Variants in RARB observed in about 807,000 individuals in gnomAD.
The protein encoded by RARB is retinoic acid receptor beta, also known as HBV-activated protein.
In RARB, 17 loss-of-function variants were observed where a neutral mutation model predicts 51.9. That is an observed-to-expected ratio of 0.33 (90% CI 0.22 to 0.49). The LOEUF is 0.49. Among genes scored for constraint, RARB ranks in the 20% least tolerant of loss-of-function variants. The pLI is 0.99. For missense variants in RARB, 369 were observed against 550.8 expected, an observed-to-expected ratio of 0.67 and a Z score of 3.30; for synonymous variants, 215 against 195.4, an observed-to-expected ratio of 1.10 and a Z score of -0.84.
intron 5 of RARB, among the ~76,000 whole-genome samples, chr3:25,387,161 T>TA (rs1198294614): frequency 1.3e-5 from 2 of 152,174 alleles, no homozygotes; most frequent in Admixed American, 1.3e-4. Context: ...AGAAATGGCT[T>TA]GAAGATGCAC....
chr3:25,492,655 T>C (rs996924577), intron 2 of RARB, among the ~76,000 whole-genome samples: 1 of 150,882 alleles, frequency 6.6e-6, no homozygotes, highest in Admixed American at 6.6e-5. Context: ...TGTAATCATA[T>C]TCTTCTCGAA....
chr3:25,339,933 C>A (rs1267582083), intron 5 of RARB, among the ~76,000 whole-genome samples: 1 of 152,122 alleles, frequency 6.6e-6, no homozygotes, highest in Non-Finnish European at 1.5e-5. Context: ...TAAACAATTT[C>A]TAAAAAATAA....
intron 2 of RARB, among the ~76,000 whole-genome samples, chr3:24,859,088 T>A (rs893505544): frequency 6.6e-6 from 1 of 151,052 alleles, no homozygotes; most frequent in Non-Finnish European, 1.5e-5. Flanking sequence ...ATACTCTTAT[T>A]AGAAGCTATG....
chr3:25,265,215 A>G (rs1703096838), intron 5 of RARB, among the ~76,000 whole-genome samples: 1 of 152,212 alleles, frequency 6.6e-6, no homozygotes, highest in East Asian at 1.9e-4. Flanking sequence ...GAGGCCACTC[A>G]AGCTTATATT....
chr3:25,016,245 A>G (rs1697505285), intron 2 of RARB, among the ~76,000 whole-genome samples: 1 of 152,200 alleles, frequency 6.6e-6, no homozygotes, highest in Non-Finnish European at 1.5e-5. Flanking sequence ...TGTGGGATTA[A>G]GATACTATAC....
intron 3 of RARB, among the ~76,000 whole-genome samples, chr3:25,530,510 T>G (rs1270392925): frequency 6.6e-6 from 1 of 152,224 alleles, no homozygotes; most frequent in African/African-American, 2.4e-5. Context: ...CACTTTCTTG[T>G]CATTTCCAGC....
At chr3:24,958,107 T>G (rs916516815) in intron 2 of RARB, among the ~76,000 whole-genome samples, 2 of 152,040 alleles carry the variant, frequency 1.3e-5, no homozygotes, top group Non-Finnish European at 2.9e-5. Flanking sequence ...TTCAACACAC[T>G]CCAGCAGGGC....
At chr3:25,595,233 TTAACAG>T (rs1701771811) in intron 7 of RARB, among the ~76,000 whole-genome samples, 1 of 152,212 alleles carries the variant, frequency 6.6e-6, no homozygotes, top group Non-Finnish European at 1.5e-5. Flanking sequence ...AGTTGAGTGT[TTAACAG>T]TAAGGTTTTT....
chr3:25,107,702 A>G (rs990267757), intron 3 of RARB, among the ~76,000 whole-genome samples: 1 of 152,208 alleles, frequency 6.6e-6, no homozygotes, highest in African/African-American at 2.4e-5. Context: ...GATTAACAGC[A>G]ATAATAATAA....
intron 2 of RARB, among the ~76,000 whole-genome samples, chr3:25,009,749 C>A (rs923298998): frequency 1.4e-4 from 21 of 152,150 alleles, no homozygotes; most frequent in Admixed American, 8.5e-4. Flanking sequence ...TTGGGATAAG[C>A]CTTCCAGAAG....
chr3:25,442,097 C>G (rs1406557871), intron 1 of RARB, among the ~76,000 whole-genome samples: 1 of 135,870 alleles, frequency 7.4e-6, no homozygotes, highest in Non-Finnish European at 1.7e-5. Context: ...GAGGAAGTGA[C>G]TTTTTAATTT....
At chr3:24,979,059 GT>G (rs1012925291) in intron 2 of RARB, among the ~76,000 whole-genome samples, 8 of 152,198 alleles carry the variant, frequency 5.3e-5, no homozygotes. Flanking sequence ...TAGTTGTGTG[GT>G]TTTGAGTGAG....
In RARB at chr3:24,981,694, G is replaced by A. The variant is rs1270131529; in HGVS notation, c.-379-78431G>A. ...GCTCTACCAGGCACAGTCCCTCACA[G>A]CTTCCCTTGGTTAGGAAAGGGAAAT... On this transcript the variant is annotated intron_variant, in intron 2 of 11. Transcript: ENST00000383772. Among the ~76,000 whole-genome samples, 3 of 152,120 alleles carry A rather than the reference G, an allele frequency of 2.0e-5. No individual in the cohort carries two copies. The East Asian group carries it at 5.8e-4, about 30-fold the overall frequency.
intron 3 of RARB, among the ~76,000 whole-genome samples, chr3:25,128,403 AAAT>A (rs1445271613): frequency 2.7e-5 from 4 of 149,370 alleles, no homozygotes; most frequent in African/African-American, 2.4e-5. Flanking sequence ...TTATAATTTC[AAAT>A]AATTATACAA....
chr3:25,379,467 A>G (rs1362238448), intron 5 of RARB, among the ~76,000 whole-genome samples: 2 of 152,230 alleles, frequency 1.3e-5, no homozygotes, highest in Non-Finnish European at 2.9e-5. Context: ...TCTGTAAACA[A>G]GAAAAGCAGT....
chr3:25,322,522 A>G (rs141064889), intron 5 of RARB, among the ~76,000 whole-genome samples: 49 of 152,196 alleles, frequency 3.2e-4, no homozygotes, highest in African/African-American at 1.1e-3. Flanking sequence ...AATCATATAT[A>G]CCATTTTAAT....
chr3:25,477,931 G>C (rs756043368), intron 2 of RARB, among the ~76,000 whole-genome samples: 3 of 152,194 alleles, frequency 2.0e-5, no homozygotes, highest in Non-Finnish European at 4.4e-5. Context: ...GTAGGTATTG[G>C]AGTTGTCTTC....
At chr3:25,061,742 T>C (rs1026204308) in intron 3 of RARB, among the ~76,000 whole-genome samples, 1 of 151,876 alleles carries the variant, frequency 6.6e-6, no homozygotes, top group Non-Finnish European at 1.5e-5. Flanking sequence ...TGTTTTATAC[T>C]AGTTAAGTGT....
At chr3:24,929,101 T>A (rs1695388267) in intron 2 of RARB, among the ~76,000 whole-genome samples, 1 of 152,078 alleles carries the variant, frequency 6.6e-6, no homozygotes, top group African/African-American at 2.4e-5. Context: ...TGAATATTTT[T>A]CCTACTATTA....
Sources: allele counts gnomAD v4.1 joint callset (sites outside exome capture counted in the v4.1 genomes callset), GRCh38; gene constraint gnomAD v4.1.1; transcripts MANE v1.5; gene names NCBI Gene and HGNC (gene_info 2026-07-23, HGNC 2026-07-21).